The following GABRB1 variants were observed in gnomAD, a reference collection of about 807,000 sequenced individuals.
GABRB1 encodes the protein gamma-aminobutyric acid type A receptor subunit beta1.
GABRB1 carries 17 observed loss-of-function variants against 51.6 expected under a neutral mutation model. That is an observed-to-expected ratio of 0.33 (90% CI 0.23 to 0.49). The LOEUF (loss-of-function observed/expected upper bound fraction) is 0.49, where lower values mean the gene tolerates loss of function less well. GABRB1 is among the 20% of genes least tolerant of loss of function. The pLI is 0.99. For missense variants in GABRB1, 410 were observed against 600.6 expected (o/e 0.68, Z 3.32); for synonymous variants, 247 against 218.9 (o/e 1.13, Z -1.14).
intron 3 of GABRB1, among the ~76,000 whole-genome samples, chr4:47,160,924 T>C (rs1460075210): frequency 6.6e-6 from 1 of 151,948 alleles, no homozygotes; most frequent in East Asian, 1.9e-4. Context: ...GTAGCTGGTA[T>C]TATAAGCATG....
At chr4:47,275,273 G>T (rs1010481220) in intron 4 of GABRB1, among the ~76,000 whole-genome samples, 1 of 152,170 alleles carries the variant, frequency 6.6e-6, no homozygotes. Flanking sequence ...TAGGGCAAAT[G>T]TGGGGCTTAA....
intron 3 of GABRB1, among the ~76,000 whole-genome samples, chr4:47,064,480 C>T (rs958146903): frequency 2.0e-5 from 3 of 150,808 alleles, no homozygotes; most frequent in African/African-American, 7.3e-5. Context: ...ACTACAAATA[C>T]AAAAAAAATT....
intron 4 of GABRB1, among the ~76,000 whole-genome samples, chr4:47,169,772 G>T (rs1344320438): frequency 2.6e-5 from 4 of 152,112 alleles, no homozygotes; most frequent in African/African-American, 9.7e-5. Flanking sequence ...AAAGTGCTGG[G>T]ATTACAGGCA....
intron 3 of GABRB1, among the ~76,000 whole-genome samples, chr4:47,098,590 G>C (rs763375344): frequency 1.3e-5 from 2 of 152,082 alleles, no homozygotes; most frequent in African/African-American, 4.8e-5. Flanking sequence ...ACAGTATCCA[G>C]TGTGACTAGA....
intron 5 of GABRB1, among the ~76,000 whole-genome samples, chr4:47,385,248 T>C (rs190587256): frequency 6.6e-6 from 1 of 152,296 alleles, no homozygotes; most frequent in Non-Finnish European, 1.5e-5. Flanking sequence ...TTGTCTGAAT[T>C]TTGAAAGAGA....
At chr4:47,387,933 A>G (rs994161097) in intron 5 of GABRB1, among the ~76,000 whole-genome samples, 1 of 152,184 alleles carries the variant, frequency 6.6e-6, no homozygotes, top group African/African-American at 2.4e-5. Context: ...CAGAATTTCT[A>G]TCAGTGGGAA....
chr4:47,341,688 G>A (rs539449553), intron 5 of GABRB1, among the ~76,000 whole-genome samples: 8 of 151,676 alleles, frequency 5.3e-5, no homozygotes, highest in East Asian at 1.9e-4. Context: ...ATTTTTTTTC[G>A]CACTTGTAAT....
At chr4:47,005,205 T>G (rs1022254371) in intron 1 of GABRB1, among the ~76,000 whole-genome samples, 9 of 152,092 alleles carry the variant, frequency 5.9e-5, no homozygotes, top group Non-Finnish European at 1.0e-4. Context: ...GATCACGAGG[T>G]CAGGAAATCG....
At chr4:47,101,567 C>T (rs1158977085) in intron 3 of GABRB1, among the ~76,000 whole-genome samples, 1 of 151,882 alleles carries the variant, frequency 6.6e-6, no homozygotes, top group Non-Finnish European at 1.5e-5. Flanking sequence ...CTGCAACCAA[C>T]CGTTTTAAGA....
chr4:47,214,101 G>A (rs1243572303), intron 4 of GABRB1, among the ~76,000 whole-genome samples: 2 of 152,110 alleles, frequency 1.3e-5, no homozygotes, highest in African/African-American at 2.4e-5. Context: ...ACAGATGAGA[G>A]TAGAATGCAT....
intron 4 of GABRB1, among the ~76,000 whole-genome samples, chr4:47,176,776 A>G (rs1002320272): frequency 6.6e-6 from 1 of 152,168 alleles, no homozygotes; most frequent in Non-Finnish European, 1.5e-5. Context: ...ATGGAAGCTT[A>G]GCCTTGGACC....
chr4:47,080,817 A>G (rs1369544938), intron 3 of GABRB1, among the ~76,000 whole-genome samples: 5 of 152,220 alleles, frequency 3.3e-5, no homozygotes, highest in Non-Finnish European at 2.9e-5. Context: ...GTTTAGGCTA[A>G]GAGAGGAGCT....
intron 5 of GABRB1, among the ~76,000 whole-genome samples, chr4:47,329,098 T>G (rs984092440): frequency 1.6e-4 from 24 of 152,182 alleles, no homozygotes; most frequent in Middle Eastern, 3.4e-3. Context: ...ACATAAGACA[T>G]GAGTAGTTCT....
chr4:47,243,995 A>G (rs1241639753), intron 4 of GABRB1, among the ~76,000 whole-genome samples: 3 of 152,162 alleles, frequency 2.0e-5, no homozygotes, highest in Non-Finnish European at 4.4e-5. Context: ...GTTTTTGCCC[A>G]TTCACTATGA....
upstream of GABRB1, among the ~76,000 whole-genome samples, chr4:47,030,258 G>A (rs907486570): frequency 6.6e-6 from 1 of 151,852 alleles, no homozygotes. Context: ...TTATTCCTAG[G>A]TACATTAGAA....
chr4:47,206,253 C>G (rs938209343), intron 4 of GABRB1, among the ~76,000 whole-genome samples: 2 of 151,920 alleles, frequency 1.3e-5, no homozygotes, highest in Non-Finnish European at 2.9e-5. Flanking sequence ...CGTTTTTATT[C>G]TTTGTTTGTT....
intron 1 of GABRB1, among the ~76,000 whole-genome samples, chr4:47,014,892 GTATTTATTTATTTATT>G (rs71193895): frequency 6.6e-6 from 1 of 150,924 alleles, no homozygotes; most frequent in East Asian, 2.0e-4. Context: ...TTTAGTAGCT[GTATTTATTTATTTATT>G]TATTTATTTA....
intron 5 of GABRB1, among the ~76,000 whole-genome samples, chr4:47,364,009 G>T (rs1346227912): frequency 6.6e-6 from 1 of 152,204 alleles, no homozygotes; most frequent in East Asian, 1.9e-4. Context: ...AGGGAGGAAA[G>T]AAACTAATCT....
chr4:47,154,014 TTAACA>T (rs1717574421), intron 3 of GABRB1, among the ~76,000 whole-genome samples: 1 of 152,016 alleles, frequency 6.6e-6, no homozygotes, highest in Admixed American at 6.6e-5. Context: ...ATATTAATAG[TTAACA>T]TAACACTAGA....
Sources: gnomAD v4.1 joint callset for allele counts (sites outside exome capture counted in the v4.1 genomes callset) on GRCh38, gnomAD v4.1.1 for gene constraint, MANE v1.5 for transcripts, NCBI Gene and HGNC (gene_info 2026-07-23, HGNC 2026-07-21) for gene names.